The following SZT2 variants were observed in gnomAD, a reference collection of about 807,000 sequenced individuals.
SZT2 encodes the protein SZT2 subunit of KICSTOR complex, also known as KICSTOR complex protein SZT2.
In SZT2, 216 loss-of-function variants were observed where a neutral mutation model predicts 404.2. The observed-to-expected ratio is 0.53, with a 90% confidence interval of 0.48 to 0.60. The LOEUF is 0.60. Among genes scored for constraint, SZT2 ranks in the 20% least tolerant of loss-of-function variants. SZT2 has a pLI of 0.00. For missense variants in SZT2, 3,857 were observed against 4,459.2 expected, an observed-to-expected ratio of 0.86 and a Z score of 3.85; for synonymous variants, 1,693 against 1,749.9, an observed-to-expected ratio of 0.97 and a Z score of 0.81.
At chr1:43,413,208 C>A (rs918512527) in intron 4 of SZT2, among the ~76,000 whole-genome samples, 1 of 152,156 alleles carries the variant, frequency 6.6e-6, no homozygotes, top group Admixed American at 6.5e-5. Context: ...CATGGTGAAA[C>A]CTTGTCTCTA....
intron 1 of SZT2, among the ~76,000 whole-genome samples, chr1:43,391,601 T>C (rs1648322165): frequency 1.3e-5 from 2 of 152,102 alleles, no homozygotes; most frequent in African/African-American, 2.4e-5. Flanking sequence ...ATCAGAAATA[T>C]TAACACAAGA....
chr1:43,427,695 G>C lies in SZT2; in HGVS notation c.3764G>C (p.Gly1255Ala). The C allele has an allele frequency of 2.5e-6, 4 of 1,614,028 alleles. No homozygotes were observed. The highest frequency in any genetic ancestry group is 3.4e-6 in the Non-Finnish European group (4 of 1,180,020). Reference protein sequence around the residue: ...SLEALREQMVGMQPPQAPRDL... With the variant: ...SLEALREQMVAMQPPQAPRDL... The stretch of plus-strand genomic sequence containing the variant: ...GAAGCGCTGAGGGAACAAATGGTTG[G>C]CATGCAGCCCCCTCAGGCGCCCCGA... The change falls in exon 26 of 72, where the codon GGC becomes GCC. Residue 1255 changes from glycine to alanine, a missense_variant. This residue lies in a region of SZT2 where 1,725 missense variants were observed against 1,881.0 expected (regional missense o/e 0.92). Transcript: ENST00000634258.
chr1:43,413,555 T>C (rs1461170061), intron 4 of SZT2, among the ~76,000 whole-genome samples: 2 of 152,190 alleles, frequency 1.3e-5, no homozygotes, highest in Non-Finnish European at 2.9e-5. Flanking sequence ...GCAGCCTGAG[T>C]GTTCATTGAC....
intron 4 of SZT2, among the ~76,000 whole-genome samples, chr1:43,407,673 G>A (rs903809885): frequency 4.0e-5 from 6 of 151,796 alleles, no homozygotes; most frequent in Non-Finnish European, 8.8e-5. Context: ...AAAGAAAAAA[G>A]TTAATTCACA....
Position 43,451,743 on chromosome 1 carries a change from A to T in SZT2, c.*1263A>T, listed in dbSNP as rs769648408. 6.2e-7 allele frequency: 1 copy of T among 1,613,758 alleles called. No homozygotes were observed. The highest frequency in any genetic ancestry group is 1.7e-5 in the Admixed American group (1 of 60,016). ...CTAGGGAAGAGGATACTACATTCCGAGACCCCGCAGGCCCCGCCCTCCTTC... is the reference window on the plus strand; with the variant it reads ...CTAGGGAAGAGGATACTACATTCCGTGACCCCGCAGGCCCCGCCCTCCTTC... On this transcript the variant is annotated 3_prime_UTR_variant, in exon 72 of 72. Coordinates refer to ENST00000634258, the MANE Select transcript of SZT2 (RefSeq NM_001365999.1).
chr1:43,450,022 T>G lies in SZT2; in HGVS notation c.10087-81T>G. The G allele has an allele frequency of 1.9e-6, 3 of 1,552,932 alleles. No homozygotes were observed. The highest frequency in any genetic ancestry group is 2.7e-6 in the Non-Finnish European group (3 of 1,125,022). ...TGAGGTGTGGAGATGGAAGTAGGCC[T>G]CTCCTCATCCTCCCTTCACCTCAGG... On this transcript the variant is annotated intron_variant, in intron 70 of 71. Transcript: ENST00000634258. This position sits in a 1 kb window ranked among gnomAD's most constrained non-coding sequence, Gnocchi z 4.3.
chr1:43,423,019 G>A (rs1031348074), intron 14 of SZT2, 80 bp from the exon 15 acceptor site: 1 of 1,510,114 alleles, frequency 6.6e-7, no homozygotes, highest in Non-Finnish European at 8.9e-7. Context: ...AGAGGGCTGT[G>A]TCTCACTTTG....
intron 4 of SZT2, among the ~76,000 whole-genome samples, chr1:43,407,094 A>G (rs1417167645): frequency 6.6e-6 from 1 of 152,180 alleles, no homozygotes; most frequent in African/African-American, 2.4e-5. Flanking sequence ...CATGGGAGAG[A>G]GGAGGAAGCC....
At chr1:43,418,617 C>CA (rs1651974123) in intron 7 of SZT2, among the ~76,000 whole-genome samples, 1 of 152,180 alleles carries the variant, frequency 6.6e-6, no homozygotes, top group South Asian at 2.1e-4. Flanking sequence ...ACACAACTGT[C>CA]AGTTTTCTCT....
In SZT2 at chr1:43,451,102, C is replaced by T; in HGVS notation, c.*622C>T. On this transcript the variant is annotated 3_prime_UTR_variant, in exon 72 of 72. Coordinates refer to ENST00000634258, the MANE Select transcript of SZT2 (RefSeq NM_001365999.1). ...CAATGGGAGGGAAGCAGCAGAGAAA[C>T]TGAAGTGTTAGACACTATGTGTCCC... 1.1e-6 allele frequency: 1 copy of T among 903,922 alleles called. No homozygotes were observed. The highest frequency in any genetic ancestry group is 1.8e-6 in the Non-Finnish European group (1 of 544,362). 56.0% of individuals were successfully genotyped at this position (903,922 alleles called of 1,614,324 possible).
At position 43,426,999 on chromosome 1, in the gene SZT2, G is replaced by A. The variant is rs964299099; in HGVS notation, c.3310-57G>A. ...GAGTCAGCTCTAGGGTGGAGGAGGG[G>A]AACAGGGGTTGGACATTCCCTTATA... On this transcript the variant is annotated intron_variant, in intron 23 of 71. Coordinates refer to ENST00000634258, the MANE Select transcript of SZT2 (RefSeq NM_001365999.1). The surrounding 1 kb of genome is among the most constrained non-coding windows in gnomAD (Gnocchi z 4.9). 2.5e-6 allele frequency: 4 copies of A among 1,605,340 alleles called. No homozygotes were observed. The highest frequency in any genetic ancestry group is 3.4e-6 in the Non-Finnish European group (4 of 1,173,942).
rs1328478886 is a variant in SZT2, at chr1:43,447,403, C to G, written c.9287-142C>G. On this transcript the variant is annotated intron_variant, in intron 66 of 71. Transcript: ENST00000634258. ...ACTTCTGTCCCATCTCAGTGTTCCA[C>G]AGGAATGCAGGAGCTCCTAAGGAAA... The G allele has an allele frequency of 6.6e-6, 8 of 1,214,108 alleles. No individual in the cohort carries two copies. The East Asian group carries it at 1.9e-4, about 30-fold the overall frequency. 75.2% of individuals were successfully genotyped at this position (1,214,108 alleles called of 1,614,324 possible).
intron 4 of SZT2, among the ~76,000 whole-genome samples, chr1:43,408,078 C>T (rs1022865926): frequency 3.3e-5 from 5 of 151,900 alleles, no homozygotes; most frequent in Admixed American, 1.3e-4. Flanking sequence ...GTGATCTGCC[C>T]GCCTCGGCCT....
Position 43,453,046 on chromosome 1 carries a change from T to C in SZT2, c.*2566T>C. ...GCATCACTACCTGTAAGCAGCTTTCTCTGATCCAGACAGGGTTAGGTGCCT... is the reference window on the plus strand; with the variant it reads ...GCATCACTACCTGTAAGCAGCTTTCCCTGATCCAGACAGGGTTAGGTGCCT... On this transcript the variant is annotated 3_prime_UTR_variant, in exon 72 of 72. Coordinates refer to ENST00000634258, the MANE Select transcript of SZT2 (RefSeq NM_001365999.1). 7.9e-7 allele frequency: 1 copy of C among 1,265,662 alleles called. No homozygotes were observed. Among genetic ancestry groups the C allele is most frequent in the Non-Finnish European group, 1.1e-6 (1 of 878,892 alleles). 78.4% of individuals were successfully genotyped at this position (1,265,662 alleles called of 1,614,324 possible). A position where few individuals can be genotyped will look rare whatever the true frequency, so the allele number is the denominator to read the frequency against.
intron 62 of SZT2, among the ~76,000 whole-genome samples, chr1:43,444,943 A>G (rs1316523530): frequency 2.0e-5 from 3 of 152,098 alleles, no homozygotes; most frequent in Non-Finnish European, 2.9e-5. Context: ...TGTTTCTGTG[A>G]CCAGCTCCCC....
chr1:43,412,450 C>T (rs998843644), intron 4 of SZT2: 1 of 152,168 alleles, frequency 6.6e-6, no homozygotes, highest in African/African-American at 2.4e-5. Flanking sequence ...TGCATTTCAC[C>T]ACTCAGCTAA....
intron 26 of SZT2, 94 bp downstream of exon 26, chr1:43,427,828 C>T: frequency 1.4e-6 from 2 of 1,442,330 alleles, no homozygotes; most frequent in Non-Finnish European, 1.9e-6. Flanking sequence ...AGGTAAGTTG[C>T]TGCCATATCC....
chr1:43,392,854 G>A (rs1029384720), intron 1 of SZT2, among the ~76,000 whole-genome samples: 1 of 152,304 alleles, frequency 6.6e-6, no homozygotes, highest in South Asian at 2.1e-4. Context: ...GAAAGATTGG[G>A]TATAGTCAGA....
rs187106999 is a variant in SZT2 at position 43,442,487 on chromosome 1, T to C, written c.8020T>C (p.Leu2674=). ...CTGGGCTCCAGACCTGGGGGCAGCA[T>C]TGGGCCGAGCGCTGGTTCGCCTGGT... ...YNWAPDLGAA[L]GRALVRLVQW... is the part of the protein sequence containing the mutation. Residue 2674 remains leucine, a synonymous_variant, in exon 58 of 72, where the codon TTG becomes CTG. Coordinates refer to ENST00000634258, the MANE Select transcript of SZT2 (RefSeq NM_001365999.1). The surrounding 1 kb of genome is among the most constrained non-coding windows in gnomAD (Gnocchi z 4.5). 2,099 of 1,614,094 alleles carry C rather than the reference T, an allele frequency of 1.3e-3. 33 individuals carry two copies. In the East Asian group the frequency reaches 0.021, roughly 16 times the overall value.
Sources: allele counts gnomAD v4.1 joint callset (sites outside exome capture counted in the v4.1 genomes callset), GRCh38; gene constraint gnomAD v4.1.1; regional missense constraint gnomAD v4.1.1; non-coding constraint Gnocchi (gnomAD v3.1); transcripts MANE v1.5; gene names NCBI Gene and HGNC (gene_info 2026-07-23, HGNC 2026-07-21).